Variants in SHANK2 observed in about 807,000 individuals in gnomAD.
SHANK2 encodes SH3 and multiple ankyrin repeat domains protein 2.
A neutral mutation model predicts 133.7 loss-of-function variants in SHANK2; 43 were observed. The ratio of observed to expected loss-of-function variants is 0.32; its 90% CI spans 0.25 to 0.41. The LOEUF (loss-of-function observed/expected upper bound fraction) is 0.41, where lower values mean the gene tolerates loss of function less well. SHANK2 is among the 10% of genes least tolerant of loss of function. SHANK2 has a pLI of 1.00. For missense variants in SHANK2, 1,994 were observed against 2,235.8 expected, an observed-to-expected ratio of 0.89 and a Z score of 2.18; for synonymous variants, 1,017 against 952.8, an observed-to-expected ratio of 1.07 and a Z score of -1.24.
chr11:71,105,902 T>C (rs1035921399), intron 6 of SHANK2, among the ~76,000 whole-genome samples: 2 of 152,014 alleles, frequency 1.3e-5, no homozygotes, highest in African/African-American at 2.4e-5. Context: ...AGGATCACTG[T>C]TGGGTACAGC....
At chr11:70,568,627 A>C (rs1554982413) in intron 17 of SHANK2, among the ~76,000 whole-genome samples, 21 of 125,280 alleles carry the variant, frequency 1.7e-4, no homozygotes, top group South Asian at 3.2e-4. Flanking sequence ...CCCCTCTCCC[A>C]TGTGGGCAGC....
At chr11:70,770,091 G>T (rs1555042350) in intron 14 of SHANK2, among the ~76,000 whole-genome samples, 1 of 152,218 alleles carries the variant, frequency 6.6e-6, no homozygotes. Flanking sequence ...CTCTGATTCT[G>T]GTCGCAAAGC....
chr11:70,950,526 T>TCA (rs1555086304), intron 10 of SHANK2, among the ~76,000 whole-genome samples: 1 of 152,194 alleles, frequency 6.6e-6, no homozygotes, highest in African/African-American at 2.4e-5. Context: ...ACGAATCCCA[T>TCA]CACGGGGGCT....
At chr11:70,756,535 T>A (rs1285748363) in intron 14 of SHANK2, among the ~76,000 whole-genome samples, 1 of 152,130 alleles carries the variant, frequency 6.6e-6, no homozygotes, top group Non-Finnish European at 1.5e-5. Context: ...TCCCTCCAGC[T>A]GTGTGGGCAG....
intron 14 of SHANK2, among the ~76,000 whole-genome samples, chr11:70,738,544 T>C (rs1946455717): frequency 1.3e-5 from 2 of 152,130 alleles, no homozygotes; most frequent in Non-Finnish European, 2.9e-5. Flanking sequence ...GTCCCCGGAA[T>C]CTACAAAGCT....
At chr11:71,113,970 C>T (rs1385935581) in intron 4 of SHANK2, among the ~76,000 whole-genome samples, 1 of 152,162 alleles carries the variant, frequency 6.6e-6, no homozygotes, top group South Asian at 2.1e-4. Context: ...GCAACATTGT[C>T]GGAGTGGGCT....
In SHANK2 at chr11:70,502,224, A is replaced by G; in HGVS notation, c.2260T>C (p.Ser754Pro). ...ALTLRSKSMT[S>P]ELEELVDKAS... Reference sequence around the variant, plus strand: ...GACTTACCGAGCTCCTCCAGCTCCGAGGTCATGGACTTGGAGCGCAGGGTG... The same window carrying G: ...GACTTACCGAGCTCCTCCAGCTCCGGGGTCATGGACTTGGAGCGCAGGGTG... The change falls in exon 19 of 26, where the codon TCG (serine) becomes CCG (proline). Residue 754 changes from serine (S) to proline (P), a missense_variant. By Grantham distance (74) the Ser-to-Pro change is moderately conservative. Around this residue, in one of 5 missense-constraint regions of SHANK2, gnomAD observed 488 missense variants for 642.6 expected, o/e 0.76. Transcript: ENST00000601538. 1 of 1,558,264 alleles carries G rather than the reference A, an allele frequency of 6.4e-7. No individual in the cohort carries two copies. Among genetic ancestry groups the G allele is most frequent in the Non-Finnish European group, 8.7e-7 (1 of 1,150,018 alleles).
At chr11:70,873,255 A>G (rs1949500227) in intron 11 of SHANK2, 4 of 401,614 alleles carry the variant, frequency 1.0e-5, no homozygotes, top group Non-Finnish European at 2.1e-5. Flanking sequence ...TTTGCTTGGA[A>G]GGCATTAACA....
At chr11:70,599,885 AAGAAAAAGAAAGAAAGAAAGAG>A (rs1565166060) in intron 17 of SHANK2, among the ~76,000 whole-genome samples, 6 of 96,602 alleles carry the variant, frequency 6.2e-5, no homozygotes, top group East Asian at 6.3e-4. Flanking sequence ...GAAAGAAAGA[AAGAAAAAGAAAGAAAGAAAGAG>A]AAAGAAAGAA....
In SHANK2 at chr11:70,683,425, C is replaced by T. The variant is rs183471828; in HGVS notation, c.1853+15263G>A. On this transcript the variant is annotated intron_variant, in intron 15 of 25. Coordinates refer to ENST00000601538, the MANE Select transcript of SHANK2 (RefSeq NM_012309.5). ...TAACACTTTCCTTCCACCCCTGGAACTTGCCGCCTTCTACCGATGGTGCAT... is the reference window on the plus strand; with the variant it reads ...TAACACTTTCCTTCCACCCCTGGAATTTGCCGCCTTCTACCGATGGTGCAT... Among the ~76,000 whole-genome samples, 304 of 152,356 alleles carry T rather than the reference C, an allele frequency of 2.0e-3. 2 individuals are homozygous for T. Among genetic ancestry groups the T allele is most frequent in the Middle Eastern group, 3.4e-3 (1 of 294 alleles).
intron 20 of SHANK2, among the ~76,000 whole-genome samples, chr11:70,501,051 G>A (rs2059043245): frequency 6.8e-6 from 1 of 146,208 alleles, no homozygotes; most frequent in East Asian, 1.9e-4. Context: ...TTGTCCCTCT[G>A]GGGAGCCCCA....
At position 70,866,098 on chromosome 11, in the gene SHANK2, G is replaced by T. The variant is rs532633646; in HGVS notation, c.1174+30403C>A. On this transcript the variant is annotated intron_variant, in intron 11 of 25. Transcript: ENST00000601538. ...ACCAATTCCGCGCGCAGATGCCTCT[G>T]TCGGAAAGGCCTAGGGTGGTCTCCA... 1.2e-4 allele frequency among the ~76,000 whole-genome samples: 18 copies of T among 152,258 alleles called. No homozygotes were observed. In the East Asian group the frequency reaches 3.5e-3, roughly 30 times the overall value.
intron 17 of SHANK2, among the ~76,000 whole-genome samples, chr11:70,620,079 TC>T (rs1259997696): frequency 2.0e-5 from 3 of 152,140 alleles, no homozygotes; most frequent in Non-Finnish European, 4.4e-5. Flanking sequence ...AGGACACGGA[TC>T]CCATCATGAG....
chr11:71,215,314 A>G (rs1343643960), intron 2 of SHANK2, among the ~76,000 whole-genome samples: 3 of 152,090 alleles, frequency 2.0e-5, no homozygotes, highest in Non-Finnish European at 4.4e-5. Context: ...CTGCGTCTGT[A>G]CTTTTGAGGC....
At chr11:70,713,268 G>A (rs1247176454) in intron 14 of SHANK2, among the ~76,000 whole-genome samples, 1 of 152,260 alleles carries the variant, frequency 6.6e-6, no homozygotes, top group African/African-American at 2.4e-5. Context: ...TCACTTCAGA[G>A]AGCCGGCTCC....
chr11:70,639,306 T>C (rs546144558), intron 17 of SHANK2, among the ~76,000 whole-genome samples: 1 of 152,242 alleles, frequency 6.6e-6, no homozygotes, highest in South Asian at 2.1e-4. Flanking sequence ...AACTGGTGGC[T>C]TCTAGACAAC....
In SHANK2 at chr11:70,473,079, A is replaced by G; in HGVS notation, c.5340T>C (p.Thr1780=). The G allele has an allele frequency of 6.2e-7, 1 of 1,614,260 alleles. No homozygotes were observed. The highest frequency in any genetic ancestry group is 2.2e-5 in the East Asian group (1 of 44,890). Residue 1780 remains threonine, a synonymous_variant, in exon 26 of 26, where the codon ACT becomes ACC. Transcript: ENST00000601538. The surrounding 1 kb of genome is among the most constrained non-coding windows in gnomAD (Gnocchi z 5.9). ...QQPISNKPFT[T]KPVHLWTKPD... is the part of the protein sequence containing the mutation. Reference sequence around the variant, plus strand: ...GTTTAGTCCACAGGTGGACAGGTTTAGTTGTAAAAGGCTTATTTGAGATTG... The same window carrying G: ...GTTTAGTCCACAGGTGGACAGGTTTGGTTGTAAAAGGCTTATTTGAGATTG...
intron 17 of SHANK2, among the ~76,000 whole-genome samples, chr11:70,537,113 C>G (rs2059553982): frequency 6.6e-6 from 1 of 152,160 alleles, no homozygotes; most frequent in East Asian, 1.9e-4. Flanking sequence ...CACTGAGATC[C>G]TAGTTTGAAA....
At chr11:70,855,892 T>C (rs1949161216) in intron 11 of SHANK2, among the ~76,000 whole-genome samples, 1 of 151,726 alleles carries the variant, frequency 6.6e-6, no homozygotes, top group Non-Finnish European at 1.5e-5. Context: ...AATGGATAGA[T>C]GGATGAATGA....
Sources: gnomAD v4.1 joint callset for allele counts (sites outside exome capture counted in the v4.1 genomes callset) on GRCh38, gnomAD v4.1.1 for gene constraint, gnomAD v4.1.1 regional missense constraint, Gnocchi (gnomAD v3.1) non-coding constraint, MANE v1.5 for transcripts, NCBI Gene and HGNC (gene_info 2026-07-23, HGNC 2026-07-21) for gene names.